Variants in LHFPL3 observed in about 807,000 individuals in gnomAD.
LHFPL3 encodes LHFPL tetraspan subfamily member 3 protein.
LHFPL3 carries 5 observed loss-of-function variants against 19.3 expected under a neutral mutation model. The observed-to-expected ratio is 0.26, with a 90% confidence interval of 0.14 to 0.54. LHFPL3 has a LOEUF of 0.54. Among genes scored for constraint, LHFPL3 ranks in the 20% least tolerant of loss-of-function variants. The pLI is 0.94. For synonymous variants in LHFPL3, 133 were observed against 126.2 expected, an observed-to-expected ratio of 1.05 and a Z score of -0.36; for missense variants, 249 against 307.4, an observed-to-expected ratio of 0.81 and a Z score of 1.42.
chr7:104,520,122 T>C (rs920736302), intron 1 of LHFPL3, among the ~76,000 whole-genome samples: 1 of 152,120 alleles, frequency 6.6e-6, no homozygotes, highest in Non-Finnish European at 1.5e-5. Context: ...ATACGTCCCA[T>C]CAATACCTAA....
chr7:104,779,732 G>T (rs1282674097), intron 2 of LHFPL3, among the ~76,000 whole-genome samples: 2 of 152,212 alleles, frequency 1.3e-5, no homozygotes, highest in Non-Finnish European at 2.9e-5. Flanking sequence ...GCACTGATAT[G>T]CGCTGGCCAC....
chr7:104,881,279 T>C lies in LHFPL3; in HGVS notation c.683-24908T>C, dbSNP rs548460796. On this transcript the variant is annotated intron_variant, in intron 2 of 2. Coordinates refer to ENST00000424859, the MANE Select transcript of LHFPL3 (RefSeq NM_199000.3). ...TGAATTGAAAACCTTCTGGAAAGTA[T>C]TCTTCAATCTAGATGTCATTAAGAA... Among the ~76,000 whole-genome samples, 23 of 152,308 alleles carry C rather than the reference T, an allele frequency of 1.5e-4. 2 individuals carry two copies. In the East Asian group the frequency reaches 4.2e-3, roughly 28 times the overall value.
chr7:104,838,977 C>T (rs1791147584), intron 2 of LHFPL3, among the ~76,000 whole-genome samples: 2 of 152,256 alleles, frequency 1.3e-5, no homozygotes, highest in African/African-American at 4.8e-5. Flanking sequence ...TTCTAGCATG[C>T]TTACATTTCC....
intron 1 of LHFPL3, among the ~76,000 whole-genome samples, chr7:104,570,401 C>T (rs1341121611): frequency 6.6e-6 from 1 of 152,188 alleles, no homozygotes; most frequent in African/African-American, 2.4e-5. Flanking sequence ...ATTTCAAGAG[C>T]TCCACTCTTT....
chr7:104,556,814 C>G (rs1022337450), intron 1 of LHFPL3, among the ~76,000 whole-genome samples: 1 of 152,182 alleles, frequency 6.6e-6, no homozygotes, highest in African/African-American at 2.4e-5. Flanking sequence ...AACCGAATGC[C>G]TTTAACAGAA....
chr7:104,772,480 A>G (rs1258837172), intron 2 of LHFPL3, among the ~76,000 whole-genome samples: 1 of 152,094 alleles, frequency 6.6e-6, no homozygotes, highest in East Asian at 1.9e-4. Flanking sequence ...CTCCTCCACC[A>G]GCCCTACAAG....
chr7:104,752,548 T>C (rs10252534), intron 2 of LHFPL3, among the ~76,000 whole-genome samples: 43,691 of 145,106 alleles, frequency 0.3, 7,279 homozygotes, highest in East Asian at 0.67. Context: ...ATGGGCAAAA[T>C]TGTTCTATTA....
intron 2 of LHFPL3, among the ~76,000 whole-genome samples, chr7:104,864,894 A>G (rs1791690870): frequency 6.6e-6 from 1 of 152,228 alleles, no homozygotes; most frequent in Admixed American, 6.5e-5. Context: ...AGGAATGATC[A>G]GGCAGCAACA....
At chr7:104,468,504 C>T (rs1018823212) in intron 1 of LHFPL3, among the ~76,000 whole-genome samples, 1 of 152,018 alleles carries the variant, frequency 6.6e-6, no homozygotes, top group African/African-American at 2.4e-5. Context: ...GGGTAAAAAC[C>T]ATGACAATAA....
intron 1 of LHFPL3, among the ~76,000 whole-genome samples, chr7:104,476,524 G>A (rs891973878): frequency 3.3e-5 from 5 of 151,740 alleles, no homozygotes; most frequent in East Asian, 2.0e-4. Context: ...CAAATGGCAC[G>A]ATCTCGGCTC....
intron 1 of LHFPL3, among the ~76,000 whole-genome samples, chr7:104,559,989 T>C (rs1789952322): frequency 6.7e-6 from 1 of 150,194 alleles, no homozygotes; most frequent in Non-Finnish European, 1.5e-5. Context: ...CATTTATTGA[T>C]TTGCGTATAT....
chr7:104,580,250 TATTTGTAAAGGCC>T (rs1270271780), intron 1 of LHFPL3, among the ~76,000 whole-genome samples: 2 of 152,178 alleles, frequency 1.3e-5, no homozygotes, highest in African/African-American at 4.8e-5. Context: ...TTACTGTGAC[TATTTGTAAAGGCC>T]CAGGAGTACA....
chr7:104,740,909 C>T (rs763769740), intron 2 of LHFPL3, among the ~76,000 whole-genome samples: 1 of 152,272 alleles, frequency 6.6e-6, no homozygotes, highest in African/African-American at 2.4e-5. Context: ...TGCTTCCCAA[C>T]ATTCCACCTA....
intron 1 of LHFPL3, among the ~76,000 whole-genome samples, chr7:104,341,138 T>C (rs565761413): frequency 3.9e-5 from 6 of 152,346 alleles, no homozygotes; most frequent in Non-Finnish European, 7.4e-5. Context: ...GAAATTTAAC[T>C]ATAATACATT....
chr7:104,829,402 C>T (rs1410018221), intron 2 of LHFPL3, among the ~76,000 whole-genome samples: 1 of 151,432 alleles, frequency 6.6e-6, no homozygotes, highest in Non-Finnish European at 1.5e-5. Context: ...CATATGTATA[C>T]ATGTGCCATG....
rs562774880 is a variant in LHFPL3, at chr7:104,375,645, A to G, written c.445+46421A>G. On this transcript the variant is annotated intron_variant, in intron 1 of 2. Transcript: ENST00000424859. ...GGCTAAGAATTTACAGAAGATTGAA[A>G]TGTTCGTAACATTTAGATTTGCACA... is the stretch of plus-strand genomic sequence containing the variant. Among the ~76,000 whole-genome samples, 71 of 152,350 alleles carry G rather than the reference A, an allele frequency of 4.7e-4. 1 individual carries two copies. The South Asian group carries it at 0.014, about 31-fold the overall frequency.
intron 1 of LHFPL3, among the ~76,000 whole-genome samples, chr7:104,411,229 G>A (rs1791528765): frequency 6.6e-6 from 1 of 152,146 alleles, no homozygotes; most frequent in East Asian, 1.9e-4. Context: ...CTAGCTATCA[G>A]TAGTTTTTTA....
intron 1 of LHFPL3, among the ~76,000 whole-genome samples, chr7:104,349,617 A>T (rs999940793): frequency 2.0e-5 from 3 of 152,348 alleles, no homozygotes; most frequent in African/African-American, 7.2e-5. Flanking sequence ...GAAATACCTA[A>T]TGTAGATGAC....
chr7:104,330,415 G>T (rs1426513712), intron 1 of LHFPL3, among the ~76,000 whole-genome samples: 2 of 152,170 alleles, frequency 1.3e-5, no homozygotes. Flanking sequence ...CTATTCCTGG[G>T]AAGGTTTTCT....
Sources: allele counts gnomAD v4.1 joint callset (sites outside exome capture counted in the v4.1 genomes callset), GRCh38; gene constraint gnomAD v4.1.1; transcripts MANE v1.5; gene names NCBI Gene and HGNC (gene_info 2026-07-23, HGNC 2026-07-21).